Variants in TENM2 observed in about 807,000 individuals in gnomAD.
The protein encoded by TENM2 is teneurin-2.
In TENM2, 52 loss-of-function variants were observed where a neutral mutation model predicts 245.2. That is an observed-to-expected ratio of 0.21 (90% CI 0.17 to 0.27). The LOEUF is 0.27. Among genes scored for constraint, TENM2 ranks in the 10% least tolerant of loss-of-function variants. The probability of loss-of-function intolerance (pLI) is 1.00; values close to 1 mark genes in which losing one functional copy is unlikely to be tolerated. For missense variants in TENM2, 3,046 were observed against 3,666.8 expected, an observed-to-expected ratio of 0.83 and a Z score of 4.37; for synonymous variants, 1,363 against 1,438.9, an observed-to-expected ratio of 0.95 and a Z score of 1.19.
the TENM2 span, among the ~76,000 whole-genome samples, chr5:167,206,290 G>A: frequency 6.6e-6 from 1 of 152,038 alleles, no homozygotes. Context: ...CTGTTTCTTT[G>A]TATCATGATA....
At chr5:167,356,970 T>A (rs556037083) in intron 1 of TENM2, among the ~76,000 whole-genome samples, 13 of 152,368 alleles carry the variant, frequency 8.5e-5, no homozygotes, top group African/African-American at 2.9e-4. Flanking sequence ...CTTAAAGCTT[T>A]TCCGTGGGTG....
chr5:167,636,356 A>G (rs1779212127), intron 2 of TENM2, among the ~76,000 whole-genome samples: 1 of 152,244 alleles, frequency 6.6e-6, no homozygotes, highest in African/African-American at 2.4e-5. Context: ...GTTCAAGAAT[A>G]TAAATTGGTG....
chr5:167,925,204 A>C (rs2151660165), intron 3 of TENM2, among the ~76,000 whole-genome samples: 1 of 152,356 alleles, frequency 6.6e-6, no homozygotes, highest in East Asian at 1.9e-4. Context: ...ACAAAGGAAT[A>C]ATCTACTGAC....
chr5:167,582,300 G>C (rs1775146657), intron 2 of TENM2, among the ~76,000 whole-genome samples: 1 of 152,174 alleles, frequency 6.6e-6, no homozygotes, highest in Admixed American at 6.5e-5. Context: ...TGTTTGAAAA[G>C]ATATGTAATT....
Position 167,993,202 on chromosome 5 carries a change from T to A in TENM2, c.1186+20T>A. On this transcript the variant is annotated intron_variant, in intron 5 of 28. Coordinates refer to ENST00000518659, the Ensembl canonical transcript of TENM2. The stretch of plus-strand genomic sequence containing the variant: ...TCATAGGTAAGTCAGGGCAGCCTTA[T>A]TCAGCAACGCTGGGGATGACAACAT... The A allele has an allele frequency of 6.3e-7, 1 of 1,597,038 alleles. No individual in the cohort carries two copies.
At chr5:167,068,463 A>C in the TENM2 span, among the ~76,000 whole-genome samples, 1 of 152,220 alleles carries the variant, frequency 6.6e-6, no homozygotes, top group Non-Finnish European at 1.5e-5. Context: ...TAATTGTATT[A>C]ATATATTTTA....
chr5:167,112,303 T>C, the TENM2 span, among the ~76,000 whole-genome samples: 2 of 152,208 alleles, frequency 1.3e-5, no homozygotes, highest in African/African-American at 2.4e-5. Context: ...TTCTTCCCAT[T>C]GAGATTAATA....
chr5:167,487,218 C>T (rs536171799), intron 2 of TENM2, among the ~76,000 whole-genome samples: 65 of 152,176 alleles, frequency 4.3e-4, no homozygotes, highest in Non-Finnish European at 7.2e-4. Flanking sequence ...AGTTGTCTGA[C>T]AATTTTGGTT....
At chr5:168,025,418 AT>A (rs1461498214) in intron 5 of TENM2, among the ~76,000 whole-genome samples, 2 of 152,210 alleles carry the variant, frequency 1.3e-5, no homozygotes, top group African/African-American at 4.8e-5. Flanking sequence ...GGAAAGTAGA[AT>A]CTTTTTTTTT....
At chr5:167,429,180 C>T (rs190201702) in intron 2 of TENM2, among the ~76,000 whole-genome samples, 108 of 152,268 alleles carry the variant, frequency 7.1e-4, no homozygotes, top group Admixed American at 1.2e-3. Context: ...CTCATTAAGA[C>T]AACTTCTGGC....
the TENM2 span, among the ~76,000 whole-genome samples, chr5:167,024,589 T>C: frequency 6.6e-6 from 1 of 152,154 alleles, no homozygotes; most frequent in Non-Finnish European, 1.5e-5. Flanking sequence ...GGTAGCAGAA[T>C]GCAGCCATCC....
chr5:168,053,033 C>T (rs1455819661), intron 6 of TENM2, among the ~76,000 whole-genome samples: 2 of 152,142 alleles, frequency 1.3e-5, no homozygotes, highest in African/African-American at 4.8e-5. Flanking sequence ...TCTCAATGAA[C>T]ACAGCCCAGG....
At chr5:167,037,004 C>G in the TENM2 span, among the ~76,000 whole-genome samples, 2 of 152,134 alleles carry the variant, frequency 1.3e-5, no homozygotes, top group African/African-American at 2.4e-5. Flanking sequence ...CCTCCCACAC[C>G]GAATATATTT....
chr5:167,785,411 C>T (rs1445202170), intron 2 of TENM2, among the ~76,000 whole-genome samples: 2 of 152,120 alleles, frequency 1.3e-5, no homozygotes, highest in Non-Finnish European at 2.9e-5. Context: ...ATATGCATTT[C>T]AATTCCAAGG....
intron 6 of TENM2, 98 bp downstream of exon 8, chr5:168,047,647 T>A (rs780919336): frequency 1.4e-6 from 2 of 1,413,322 alleles, no homozygotes; most frequent in Middle Eastern, 1.9e-4. Context: ...TTGGAAGGTA[T>A]GCCAAAAGAA....
chr5:167,293,180 TAA>T (rs924985020), intron 1 of TENM2, among the ~76,000 whole-genome samples: 7 of 152,046 alleles, frequency 4.6e-5, no homozygotes, highest in African/African-American at 1.7e-4. Flanking sequence ...GTTATTGAGA[TAA>T]AAAGAGTGTT....
At chr5:167,621,456 A>G (rs1778167511) in intron 2 of TENM2, among the ~76,000 whole-genome samples, 1 of 152,134 alleles carries the variant, frequency 6.6e-6, no homozygotes, top group Non-Finnish European at 1.5e-5. Context: ...AGGGAAGAGT[A>G]GCAGGATCCA....
chr5:167,211,219 A>G, the TENM2 span, among the ~76,000 whole-genome samples: 10 of 152,234 alleles, frequency 6.6e-5, no homozygotes, highest in Admixed American at 3.3e-4. Flanking sequence ...CACAGTGACT[A>G]TCGTGGCTAA....
intron 4 of TENM2, among the ~76,000 whole-genome samples, chr5:167,958,754 G>A (rs1241401727): frequency 9.9e-5 from 15 of 152,154 alleles, no homozygotes. Context: ...AGTTTGACTG[G>A]ATATGAAATT....
Sources: allele counts gnomAD v4.1 joint callset (sites outside exome capture counted in the v4.1 genomes callset), GRCh38; gene constraint gnomAD v4.1.1; transcripts MANE v1.5; gene names NCBI Gene and HGNC (gene_info 2026-07-23, HGNC 2026-07-21).